DPP6: variants seen among roughly 807,000 people sequenced by gnomAD.
The protein encoded by DPP6 is A-type potassium channel modulatory protein DPP6.
A neutral mutation model predicts 122.6 loss-of-function variants in DPP6; 69 were observed. The ratio of observed to expected loss-of-function variants is 0.56; its 90% CI spans 0.46 to 0.69. The LOEUF is 0.69. Among genes scored for constraint, DPP6 ranks in the 30% least tolerant of loss-of-function variants. The probability of loss-of-function intolerance (pLI) is 0.00; values close to 1 mark genes in which losing one functional copy is unlikely to be tolerated. For missense variants in DPP6, 928 were observed against 1,116.9 expected (o/e 0.83, Z 2.41); for synonymous variants, 418 against 433.1 (o/e 0.97, Z 0.43).
intron 1 of DPP6, among the ~76,000 whole-genome samples, chr7:154,382,152 T>G (rs1586114717): frequency 1.3e-5 from 2 of 151,518 alleles, no homozygotes. Context: ...GATGCAGGTT[T>G]GCTTGCGAGT....
intron 1 of DPP6, among the ~76,000 whole-genome samples, chr7:154,319,731 G>C (rs1015674137): frequency 3.3e-5 from 5 of 151,912 alleles, no homozygotes; most frequent in African/African-American, 4.8e-5. Flanking sequence ...AGTGGCTCAC[G>C]CCTGTAGTCC....
intron 1 of DPP6, among the ~76,000 whole-genome samples, chr7:154,111,737 C>T (rs1806595457): frequency 6.6e-6 from 1 of 151,702 alleles, no homozygotes; most frequent in Non-Finnish European, 1.5e-5. Flanking sequence ...AGACTGAAAC[C>T]TGAAATCCCA....
intron 1 of DPP6, among the ~76,000 whole-genome samples, chr7:154,350,040 G>T (rs1159445840): frequency 6.6e-6 from 1 of 152,198 alleles, no homozygotes; most frequent in Non-Finnish European, 1.5e-5. Context: ...CAGACCTGGG[G>T]GGTGATGATT....
intron 6 of DPP6, among the ~76,000 whole-genome samples, chr7:154,638,564 G>A (rs771393183): frequency 6.6e-6 from 1 of 152,038 alleles, no homozygotes; most frequent in African/African-American, 2.4e-5. Flanking sequence ...AACCTCATCT[G>A]GTCTCTCAAT....
chr7:154,892,801 C>T lies in DPP6; in HGVS notation c.*321C>T. The T allele has an allele frequency of 1.7e-6, 1 of 577,834 alleles. No individual in the cohort carries two copies. Among genetic ancestry groups the T allele is most frequent in the Non-Finnish European group, 3.3e-6 (1 of 299,842 alleles). The allele number at this position is 577,834 out of a possible 1,614,324, so 35.8% of individuals were successfully genotyped here. On this transcript the variant is annotated 3_prime_UTR_variant, in exon 26 of 26. Transcript: ENST00000377770. ...TGGTGGCCGCAGGCCCCACGCGAGC[C>T]CACAGGACACCGGCCCCTAGATTCC...
At chr7:154,694,843 C>T (rs947355337) in intron 7 of DPP6, among the ~76,000 whole-genome samples, 3 of 152,100 alleles carry the variant, frequency 2.0e-5, no homozygotes, top group Non-Finnish European at 4.4e-5. Context: ...GATGGTTGCT[C>T]ATGCTGTTGA....
chr7:154,166,338 C>G (rs999060254), intron 1 of DPP6, among the ~76,000 whole-genome samples: 34 of 152,236 alleles, frequency 2.2e-4, no homozygotes, highest in African/African-American at 7.9e-4. Context: ...GGGGCCACCC[C>G]TGCATCTCAC....
At chr7:154,625,578 T>C (rs1242111049) in intron 5 of DPP6, among the ~76,000 whole-genome samples, 1 of 152,178 alleles carries the variant, frequency 6.6e-6, no homozygotes, top group African/African-American at 2.4e-5. Flanking sequence ...GAGAACCAGC[T>C]GTGCAGCACC....
Position 154,872,340 on chromosome 7 carries a change from G to C in DPP6, c.1814-284G>C, listed in dbSNP as rs529030507. 1.1e-4 allele frequency among the ~76,000 whole-genome samples: 16 copies of C among 152,358 alleles called. No homozygotes were observed. In the South Asian group the frequency reaches 3.3e-3, roughly 32 times the overall value. The stretch of plus-strand genomic sequence containing the variant: ...CCCTGCCTGAAATTCTGCTGCTAGC[G>C]AGTGCCCGGGCCATCGAGTCTTCCG... On this transcript the variant is annotated intron_variant, in intron 18 of 25. Coordinates refer to ENST00000377770, the MANE Select transcript of DPP6 (RefSeq NM_130797.4).
At chr7:154,625,248 C>A (rs1441489169) in intron 5 of DPP6, among the ~76,000 whole-genome samples, 1 of 151,824 alleles carries the variant, frequency 6.6e-6, no homozygotes, top group Admixed American at 6.6e-5. Flanking sequence ...TGAAAGTCAG[C>A]AAAGTGAAGC....
At chr7:154,246,901 A>C (rs971250001) in intron 1 of DPP6, among the ~76,000 whole-genome samples, 1 of 152,228 alleles carries the variant, frequency 6.6e-6, no homozygotes, top group Non-Finnish European at 1.5e-5. Flanking sequence ...AAATGTTACA[A>C]CTTTTGTGCT....
At chr7:153,906,372 T>C (rs1175693228) in intron 1 of DPP6, among the ~76,000 whole-genome samples, 2 of 152,220 alleles carry the variant, frequency 1.3e-5, no homozygotes, top group Non-Finnish European at 2.9e-5. Context: ...CTTTGGAATC[T>C]ACAGTGTCTA....
chr7:153,815,332 C>T, the DPP6 span, among the ~76,000 whole-genome samples: 6 of 151,958 alleles, frequency 3.9e-5, no homozygotes, highest in Admixed American at 6.6e-5. Context: ...AACATATAAA[C>T]GCTGGAATCC....
chr7:153,821,882 T>C, the DPP6 span, among the ~76,000 whole-genome samples: 2 of 152,060 alleles, frequency 1.3e-5, no homozygotes, highest in Non-Finnish European at 2.9e-5. Flanking sequence ...ATGAAGTAAA[T>C]CTTCTAATTC....
At chr7:154,719,158 G>A (rs188904063) in intron 7 of DPP6, among the ~76,000 whole-genome samples, 102 of 152,170 alleles carry the variant, frequency 6.7e-4, no homozygotes, top group Non-Finnish European at 1.2e-3. Context: ...CTTCAAACTC[G>A]AGTACAGAGG....
upstream of DPP6, among the ~76,000 whole-genome samples, chr7:153,886,468 G>A (rs1396729822): frequency 6.6e-6 from 1 of 152,116 alleles, no homozygotes; most frequent in Admixed American, 6.5e-5. Context: ...ACTGGGCTGC[G>A]GGAGGTCTTC....
At chr7:154,455,908 C>A (rs1820784236) in intron 2 of DPP6, among the ~76,000 whole-genome samples, 1 of 152,150 alleles carries the variant, frequency 6.6e-6, no homozygotes, top group Non-Finnish European at 1.5e-5. Context: ...AGTCTCTTGC[C>A]TGCTATAGAT....
At chr7:153,880,204 T>C in the DPP6 span, among the ~76,000 whole-genome samples, 1 of 152,212 alleles carries the variant, frequency 6.6e-6, no homozygotes, top group Non-Finnish European at 1.5e-5. Flanking sequence ...TTTAAATGTG[T>C]TTAGTAAGTC....
intron 1 of DPP6, among the ~76,000 whole-genome samples, chr7:154,126,908 C>T (rs1454101260): frequency 1.3e-5 from 2 of 152,084 alleles, no homozygotes; most frequent in African/African-American, 2.4e-5. Flanking sequence ...CTAGTTATAC[C>T]GATTTTCTTC....
Sources: allele counts gnomAD v4.1 joint callset (sites outside exome capture counted in the v4.1 genomes callset), GRCh38; gene constraint gnomAD v4.1.1; transcripts MANE v1.5; gene names NCBI Gene and HGNC (gene_info 2026-07-23, HGNC 2026-07-21).